Variants in HNRNPUL2 observed in about 807,000 individuals in gnomAD.
HNRNPUL2 encodes heterogeneous nuclear ribonucleoprotein U like 2.
In HNRNPUL2, 27 loss-of-function variants were observed where a neutral mutation model predicts 102.2. The ratio of observed to expected loss-of-function variants is 0.26; its 90% CI spans 0.19 to 0.36. The LOEUF is 0.36. Among genes scored for constraint, HNRNPUL2 ranks in the 10% least tolerant of loss-of-function variants. HNRNPUL2 has a pLI of 1.00. For synonymous variants in HNRNPUL2, 458 were observed against 387.2 expected (o/e 1.18, Z -2.15); for missense variants, 936 against 981.1 (o/e 0.95, Z 0.61).
chr11:62,722,107 T>C lies in HNRNPUL2; in HGVS notation c.1359+10A>G, dbSNP rs143617458. ...ATACAACCTCAGTGTTCGTATACTGTTTGGCATACCTCACATTCCTCTATG... is the reference window on the plus strand; with the variant it reads ...ATACAACCTCAGTGTTCGTATACTGCTTGGCATACCTCACATTCCTCTATG... On this transcript the variant is annotated intron_variant, in intron 7 of 13. Transcript: ENST00000301785. 5.0e-5 allele frequency: 81 copies of C among 1,612,642 alleles called. No individual in the cohort carries two copies. In the East Asian group the frequency reaches 1.6e-3, roughly 32 times the overall value.
At chr11:62,723,478 C>T (rs2083719690) in intron 4 of HNRNPUL2, 109 bp downstream of exon 4, 6 of 1,217,512 alleles carry the variant, frequency 4.9e-6, no homozygotes, top group Admixed American at 2.6e-5. Context: ...GTAACAAGAG[C>T]GAAACTCCAT....
At chr11:62,722,401 A>T (rs1199192422) in intron 6 of HNRNPUL2, 21 bp from the exon 7 acceptor site, 12 of 1,610,080 alleles carry the variant, frequency 7.5e-6, no homozygotes, top group East Asian at 6.7e-5. Context: ...AAGGGACAAG[A>T]GCACTTATTG....
chr11:62,714,143 C>CG lies in HNRNPUL2; in HGVS notation c.*1155_*1156insC, dbSNP rs1208000716. ...CCCCACTGAGCTGCCTCCCACCCCCCCCCACCACCCTCCCCTCTTCTATTC... is the reference window on the plus strand; with the variant it reads ...CCCCACTGAGCTGCCTCCCACCCCCCGCCCACCACCCTCCCCTCTTCTATTC... On this transcript the variant is annotated 3_prime_UTR_variant, in exon 14 of 14. Coordinates refer to ENST00000301785, the MANE Select transcript of HNRNPUL2 (RefSeq NM_001079559.3). The CG allele has an allele frequency of 1.3e-5, 2 of 148,216 alleles. No homozygotes were observed. The highest frequency in any genetic ancestry group is 3.0e-5 in the Non-Finnish European group (2 of 66,782). 9.2% of individuals were successfully genotyped at this position (148,216 alleles called of 1,614,324 possible).
Position 62,723,741 on chromosome 11 carries a change from G to A in HNRNPUL2, c.752-15C>T, listed in dbSNP as rs2083722377. On this transcript the variant is annotated splice_polypyrimidine_tract_variant and intron_variant, in intron 3 of 13. Coordinates refer to ENST00000301785, the MANE Select transcript of HNRNPUL2 (RefSeq NM_001079559.3). Reference sequence around the variant, plus strand: ...ATCCGAGGTATCTGTAAAGAAAGAAGCAATCAGTTTACTCCAATGTCCAAT... The same window carrying A: ...ATCCGAGGTATCTGTAAAGAAAGAAACAATCAGTTTACTCCAATGTCCAAT... 1.2e-6 allele frequency: 2 copies of A among 1,613,906 alleles called. No homozygotes were observed. Among genetic ancestry groups the A allele is most frequent in the East Asian group, 2.2e-5 (1 of 44,898 alleles).
intron 10 of HNRNPUL2, among the ~76,000 whole-genome samples, chr11:62,719,535 G>A (rs903435163): frequency 1.3e-5 from 2 of 152,160 alleles, no homozygotes; most frequent in South Asian, 2.1e-4. Flanking sequence ...AAGTGCTCAC[G>A]ACCATTAAGT....
Position 62,727,127 on chromosome 11 carries a change from C to G in HNRNPUL2, c.30G>C (p.Glu10Asp). Residue 10 changes from glutamate (E) to aspartate (D), a missense_variant, in exon 1 of 14, where the codon GAG becomes GAC. By Grantham distance (45) the Glu-to-Asp change is conservative. Transcript: ENST00000301785. ...CCCGCCGCTGCAGCTCCGACCGCAG[C>G]TCGGTCACTTTCAGCCGCTTCACCT... Reference protein sequence around the residue: MEVKRLKVTELRSELQRRGL... With the variant: MEVKRLKVTDLRSELQRRGL... 6.9e-7 allele frequency: 1 copy of G among 1,450,886 alleles called. No homozygotes were observed. The highest frequency in any genetic ancestry group is 9.1e-7 in the Non-Finnish European group (1 of 1,104,892). The allele number at this position is 1,450,886 out of a possible 1,614,324, so 89.9% of individuals were successfully genotyped here.
At chr11:62,720,379 A>C (rs692773) in intron 9 of HNRNPUL2, among the ~76,000 whole-genome samples, 188 bp from the exon 10 acceptor site, 148,226 of 152,060 alleles carry the variant, frequency 0.97, 72,359 homozygotes, top group East Asian at 1. Flanking sequence ...AACCTCATCT[A>C]TACTAAAATA....
intron 6 of HNRNPUL2, 36 bp downstream of exon 6, chr11:62,722,565 T>C (rs1221750803): frequency 1.9e-6 from 3 of 1,552,248 alleles, no homozygotes; most frequent in Non-Finnish European, 1.8e-6. Context: ...CTCTATCCGC[T>C]CCTTGTTATA....
chr11:62,717,632 G>A (rs1005826216), intron 10 of HNRNPUL2, among the ~76,000 whole-genome samples: 5 of 152,234 alleles, frequency 3.3e-5, no homozygotes, highest in Admixed American at 6.5e-5. Context: ...AAGGCAGGCG[G>A]ACTGCTTGAG....
rs1161725163 is a variant in HNRNPUL2 at position 62,727,232 on chromosome 11, C to T, written c.-76G>A. 7.7e-7 allele frequency: 1 copy of T among 1,305,144 alleles called. No homozygotes were observed. The highest frequency in any genetic ancestry group is 3.3e-5 in the East Asian group (1 of 30,124). The allele number at this position is 1,305,144 out of a possible 1,614,324, so 80.8% of individuals were successfully genotyped here. A position where few individuals can be genotyped will look rare whatever the true frequency, so the allele number is the denominator to read the frequency against. The stretch of plus-strand genomic sequence containing the variant: ...CGACCGAGTCCGACCGCGCAGGCGC[C>T]GCCGCCGCCGCCCGCCTCCGCCTCA... On this transcript the variant is annotated 5_prime_UTR_variant, in exon 1 of 14. Coordinates refer to ENST00000301785, the MANE Select transcript of HNRNPUL2 (RefSeq NM_001079559.3).
intron 1 of HNRNPUL2, among the ~76,000 whole-genome samples, chr11:62,726,329 T>A (rs1418292985): frequency 1.3e-5 from 2 of 152,090 alleles, no homozygotes; most frequent in African/African-American, 4.8e-5. Context: ...ACAAGCACCG[T>A]GGGAGACTGT....
intron 10 of HNRNPUL2, among the ~76,000 whole-genome samples, chr11:62,718,312 A>C (rs2083675314): frequency 6.6e-6 from 1 of 152,196 alleles, no homozygotes; most frequent in African/African-American, 2.4e-5. Context: ...AGCCAAATTA[A>C]CAAACAAAAC....
chr11:62,722,025 T>G, intron 7 of HNRNPUL2, 83 bp from the exon 8 acceptor site: 1 of 1,604,462 alleles, frequency 6.2e-7, no homozygotes, highest in Non-Finnish European at 8.5e-7. Flanking sequence ...ATCCTCCCAT[T>G]CCTGTTTGGT....
At position 62,720,065 on chromosome 11, in the gene HNRNPUL2, C is replaced by G; in HGVS notation, c.1738G>C (p.Glu580Gln). Residue 580 changes from glutamate (E) to glutamine (Q), a missense_variant, in exon 10 of 14, where the codon GAG becomes CAG. Glu to Gln is a conservative substitution (Grantham distance 29). Around this residue, in one of 2 missense-constraint regions of HNRNPUL2, gnomAD observed 609 missense variants for 713.0 expected, o/e 0.85. Transcript: ENST00000301785. ...KKRLELRKEV[E>Q]GDDVPESIML... ...ATAGATTCAGGCACATCATCTCCCT[C>G]TACTTCCTTCCTCAACTCCAGCCTC... is the stretch of plus-strand genomic sequence containing the variant. 1.2e-6 allele frequency: 2 copies of G among 1,614,228 alleles called. No homozygotes were observed. Among genetic ancestry groups the G allele is most frequent in the Non-Finnish European group, 1.7e-6 (2 of 1,180,030 alleles).
rs371444722 is a variant in HNRNPUL2 at position 62,722,849 on chromosome 11, C to T, written c.946G>A (p.Val316Ile). ...EGCTEVSLLRVGWSVDFSRPQ... is the reference protein window; with the variant it reads ...EGCTEVSLLRIGWSVDFSRPQ... ...CGGGAAAAATCAACAGACCACCCAA[C>T]TCGAAGGAGAGAGACCTCTGTGCAG... is the stretch of plus-strand genomic sequence containing the variant. The change falls in exon 5 of 14, where the codon GTT becomes ATT. Residue 316 changes from valine to isoleucine, a missense_variant. Physicochemically the swap from Val to Ile is conservative, Grantham distance 29 (BLOSUM62 3). Coordinates refer to ENST00000301785, the MANE Select transcript of HNRNPUL2 (RefSeq NM_001079559.3). 2 of 1,614,048 alleles carry T rather than the reference C, an allele frequency of 1.2e-6. No homozygotes were observed. The highest frequency in any genetic ancestry group is 1.7e-6 in the Non-Finnish European group (2 of 1,180,030).
Position 62,713,687 on chromosome 11 carries a change from A to C in HNRNPUL2, c.*1612T>G, listed in dbSNP as rs1250347173. 6.6e-6 allele frequency: 1 copy of C among 152,294 alleles called. No individual in the cohort carries two copies. Among genetic ancestry groups the C allele is most frequent in the Non-Finnish European group, 1.5e-5 (1 of 68,106 alleles). 9.4% of individuals were successfully genotyped at this position (152,294 alleles called of 1,614,324 possible). A position where few individuals can be genotyped will look rare whatever the true frequency, so the allele number is the denominator to read the frequency against. ...GTAACAGTGGGAGGAGGAGAGGAAGACCAAATCAGCCCACAATTTTAAACA... is the reference window on the plus strand; with the variant it reads ...GTAACAGTGGGAGGAGGAGAGGAAGCCCAAATCAGCCCACAATTTTAAACA... On this transcript the variant is annotated 3_prime_UTR_variant, in exon 14 of 14. Coordinates refer to ENST00000301785, the MANE Select transcript of HNRNPUL2 (RefSeq NM_001079559.3).
chr11:62,717,055 G>A lies in HNRNPUL2; in HGVS notation c.1915C>T (p.Arg639Trp), dbSNP rs763366292. The A allele has an allele frequency of 1.2e-6, 2 of 1,614,092 alleles. No homozygotes were observed. The highest frequency in any genetic ancestry group is 1.1e-5 in the South Asian group (1 of 91,072). ...TTTCGGTTGTTTCGGCGATTTGTCC[G>A]CTTCTCGGAGGGGGGCAGAAGCTTC... ...ARKLLPPSEK[R>W]TNRRNNRNKR... The change falls in exon 11 of 14, where the codon CGG becomes TGG. Residue 639 changes from arginine (R) to tryptophan (W), a missense_variant. Arg to Trp is a moderately radical substitution (Grantham distance 101, BLOSUM62 -3). Coordinates refer to ENST00000301785, the MANE Select transcript of HNRNPUL2 (RefSeq NM_001079559.3).
chr11:62,721,271 T>TA, intron 9 of HNRNPUL2, 24 bp downstream of exon 9: 2 of 1,593,386 alleles, frequency 1.3e-6, no homozygotes, highest in South Asian at 2.3e-5. Context: ...ACCTTGACTC[T>TA]AGGCAATTTT....
chr11:62,719,925 C>T, intron 10 of HNRNPUL2, 98 bp downstream of exon 10: 1 of 1,173,506 alleles, frequency 8.5e-7, no homozygotes, highest in African/African-American at 1.5e-5. Context: ...CTTGGACTTC[C>T]TAGCCTCCAG....
Sources: gnomAD v4.1 joint callset for allele counts (sites outside exome capture counted in the v4.1 genomes callset) on GRCh38, gnomAD v4.1.1 for gene constraint, gnomAD v4.1.1 regional missense constraint, MANE v1.5 for transcripts, NCBI Gene and HGNC (gene_info 2026-07-23, HGNC 2026-07-21) for gene names.